LMF1: variants seen among roughly 807,000 people sequenced by gnomAD.
LMF1 encodes the protein transmembrane protein 112.
A neutral mutation model predicts 60.6 loss-of-function variants in LMF1; 68 were observed. The observed-to-expected ratio is 1.12, with a 90% CI of 0.92 to 1.37. The LOEUF is 1.37. LMF1 is among the 40% of genes most tolerant of loss of function. The pLI is 0.00. For synonymous variants in LMF1, 418 were observed against 324.7 expected, an observed-to-expected ratio of 1.29 and a Z score of -3.09; for missense variants, 948 against 767.2, an observed-to-expected ratio of 1.24 and a Z score of -2.78.
chr16:974,921 A>AGG (rs1398157926), upstream of LMF1, among the ~76,000 whole-genome samples: 1 of 152,170 alleles, frequency 6.6e-6, no homozygotes, highest in Admixed American at 6.5e-5. Context: ...TGGGTATGGA[A>AGG]GGGGGGCCCA....
At chr16:974,133 A>C (rs1427578785), upstream of LMF1, among the ~76,000 whole-genome samples, 1 of 152,098 alleles carries the variant, frequency 6.6e-6, no homozygotes, top group Non-Finnish European at 1.5e-5. Context: ...CGCTCACCTT[A>C]CTTCTTTGTC....
At chr16:921,731 C>G (rs1030232550) in intron 3 of LMF1, among the ~76,000 whole-genome samples, 1 of 152,112 alleles carries the variant, frequency 6.6e-6, no homozygotes, top group East Asian at 1.9e-4. Flanking sequence ...GAAGCACCGA[C>G]GCAGGGACGG....
At chr16:926,651 C>T (rs1038282046) in intron 3 of LMF1, among the ~76,000 whole-genome samples, 1 of 152,234 alleles carries the variant, frequency 6.6e-6, no homozygotes, top group Non-Finnish European at 1.5e-5. Context: ...AAAACAAGCG[C>T]CACCAAAGCT....
chr16:854,963 C>T (rs2069147591), intron 10 of LMF1: 2 of 564,438 alleles, frequency 3.5e-6, no homozygotes, highest in South Asian at 2.0e-5. Flanking sequence ...AGGGGAGACC[C>T]AGCAGGGCCC....
intron 3 of LMF1, among the ~76,000 whole-genome samples, chr16:926,143 C>T (rs2071591608): frequency 6.7e-6 from 1 of 150,156 alleles, no homozygotes; most frequent in South Asian, 2.1e-4. Flanking sequence ...TGCATGCGTG[C>T]ACCTGTGTTT....
intron 1 of LMF1, chr16:978,876 A>G (rs2073253868): frequency 2.4e-6 from 1 of 416,644 alleles, no homozygotes; most frequent in South Asian, 1.7e-5. Context: ...TTGTCATCAG[A>G]CACTCTGCTC....
rs1381032725 is a variant in LMF1 at position 897,749 on chromosome 16, C to T, written c.664-4677G>A. Among the ~76,000 whole-genome samples the T allele has an allele frequency of 2.0e-5, 3 of 152,148 alleles. No homozygotes were observed. In the East Asian group the frequency reaches 5.8e-4, roughly 29 times the overall value. ...GAGGCACTATGGGGTCTATCAAGAC[C>T]CTCTAGTCTCCATATCTGAGGGTGG... On this transcript the variant is annotated intron_variant, in intron 4 of 10. Coordinates refer to ENST00000262301, the MANE Select transcript of LMF1 (RefSeq NM_022773.4). This position sits in a 1 kb window ranked among gnomAD's most constrained non-coding sequence, Gnocchi z 4.3.
At chr16:875,931 G>A (rs1047610870) in intron 6 of LMF1, among the ~76,000 whole-genome samples, 2 of 152,186 alleles carry the variant, frequency 1.3e-5, no homozygotes, top group Non-Finnish European at 2.9e-5. Context: ...CGGCTCAGGA[G>A]TCACCCGTGT....
At chr16:913,637 A>T (rs2071185233) in intron 3 of LMF1, among the ~76,000 whole-genome samples, 1 of 152,244 alleles carries the variant, frequency 6.6e-6, no homozygotes, top group Non-Finnish European at 1.5e-5. Flanking sequence ...CTGGTGCCCA[A>T]GGCAGGAGCC....
chr16:971,281 C>A (rs916654386), upstream of LMF1, among the ~76,000 whole-genome samples: 11 of 152,246 alleles, frequency 7.2e-5, no homozygotes, highest in African/African-American at 2.7e-4. Flanking sequence ...CTGGGGCAGG[C>A]ACGCGTGCCT....
At chr16:891,394 GTGTT>G (rs1347843231) in intron 5 of LMF1, among the ~76,000 whole-genome samples, 13 of 152,256 alleles carry the variant, frequency 8.5e-5, no homozygotes, top group Admixed American at 5.9e-4. Flanking sequence ...AGGCATCAGA[GTGTT>G]TGTTTGTGGG....
chr16:975,758 A>G (rs1452664807), upstream of LMF1: 1 of 450,602 alleles, frequency 2.2e-6, no homozygotes, highest in African/African-American at 2.0e-5. Flanking sequence ...GGGAGACAGC[A>G]GAGACATTTT....
intron 1 of LMF1, 83 bp from the exon 2 acceptor site, chr16:954,749 G>A (rs973545833): frequency 2.3e-4 from 298 of 1,319,466 alleles, no homozygotes; most frequent in East Asian, 4.2e-4. Context: ...AATGCGGGGC[G>A]AGGCAGGCGG....
chr16:862,865 A>G (rs527566167), intron 10 of LMF1, among the ~76,000 whole-genome samples: 1 of 151,962 alleles, frequency 6.6e-6, no homozygotes, highest in Admixed American at 6.5e-5. Context: ...GTCTCAAAAA[A>G]TAAATAAATA....
At chr16:920,043 C>A (rs1042631594) in intron 3 of LMF1, among the ~76,000 whole-genome samples, 2 of 152,210 alleles carry the variant, frequency 1.3e-5, no homozygotes, top group Non-Finnish European at 2.9e-5. Flanking sequence ...GGCCCTGGCC[C>A]GTCGGCTTAG....
chr16:945,269 C>A (rs537068398), intron 2 of LMF1, among the ~76,000 whole-genome samples: 1 of 149,146 alleles, frequency 6.7e-6, no homozygotes, highest in Non-Finnish European at 1.5e-5. Flanking sequence ...TGCCTGTAAT[C>A]CTAGCACTTT....
At chr16:932,225 G>A (rs2071808903) in intron 3 of LMF1, among the ~76,000 whole-genome samples, 1 of 152,196 alleles carries the variant, frequency 6.6e-6, no homozygotes, top group Non-Finnish European at 1.5e-5. Flanking sequence ...GGCCTCACAG[G>A]CGGGGGCACG....
At chr16:864,553 C>T (rs2151692296) in intron 10 of LMF1, among the ~76,000 whole-genome samples, 1 of 152,246 alleles carries the variant, frequency 6.6e-6, no homozygotes, top group Admixed American at 6.5e-5. Context: ...CTAGGCTGAG[C>T]TACGACGGAT....
chr16:941,802 T>G (rs2072107011), intron 2 of LMF1, among the ~76,000 whole-genome samples: 1 of 152,230 alleles, frequency 6.6e-6, no homozygotes, highest in Admixed American at 6.5e-5. Flanking sequence ...GGTTAATATT[T>G]TCTCGCTTCA....
Sources: allele counts gnomAD v4.1 joint callset (sites outside exome capture counted in the v4.1 genomes callset), GRCh38; gene constraint gnomAD v4.1.1; non-coding constraint Gnocchi (gnomAD v3.1); transcripts MANE v1.5; gene names NCBI Gene and HGNC (gene_info 2026-07-23, HGNC 2026-07-21).